The following TRIM25 variants were observed in gnomAD, a reference collection of about 807,000 sequenced individuals.
TRIM25 encodes E3 ubiquitin/ISG15 ligase TRIM25.
Under a neutral mutation model 65.2 loss-of-function variants are expected in TRIM25, and 45 were observed. The ratio of observed to expected loss-of-function variants is 0.69; its 90% CI spans 0.54 to 0.89. The LOEUF (loss-of-function observed/expected upper bound fraction) is 0.89, where lower values mean the gene tolerates loss of function less well. Ranked by LOEUF, TRIM25 falls within the 40% of genes least tolerant of loss-of-function variation. The pLI, the probability that TRIM25 is intolerant of heterozygous loss-of-function variation, is 0.00. For missense variants in TRIM25, 714 were observed against 803.7 expected (o/e 0.89, Z 1.35); for synonymous variants, 321 against 340.4 (o/e 0.94, Z 0.63).
At position 56,904,448 on chromosome 17, in the gene TRIM25, T is replaced by G; in HGVS notation, c.734A>C (p.Tyr245Ser). The G allele has an allele frequency of 6.2e-7, 1 of 1,614,186 alleles. No homozygotes were observed. Among genetic ancestry groups the G allele is most frequent in the South Asian group, 1.1e-5 (1 of 91,086 alleles). ...GTCCAAGAGAGCCTTCATTTCCGTGTATTCTTGTTGTAGCTGCTCCACCTT... is the reference window on the plus strand; with the variant it reads ...GTCCAAGAGAGCCTTCATTTCCGTGGATTCTTGTTGTAGCTGCTCCACCTT... The part of the protein sequence containing the change: ...NRKVEQLQQE[Y>S]TEMKALLDAS... Residue 245 changes from tyrosine to serine, a missense_variant, in exon 3 of 9, where the codon TAC becomes TCC. Around this residue, in one of 3 missense-constraint regions of TRIM25, gnomAD observed 413 missense variants for 498.2 expected, o/e 0.83. Transcript: ENST00000316881.
chr17:56,912,682 C>T (rs1909653458), intron 1 of TRIM25: 1 of 152,220 alleles, frequency 6.6e-6, no homozygotes, highest in Non-Finnish European at 1.5e-5. Context: ...TGGCTATTTA[C>T]TGCATTAGGT....
chr17:56,904,739 G>C (rs756809754), intron 2 of TRIM25, among the ~76,000 whole-genome samples: 1 of 152,222 alleles, frequency 6.6e-6, no homozygotes, highest in Admixed American at 6.5e-5. Context: ...ACATGCATAA[G>C]AATGTTCACA....
chr17:56,899,304 C>T, intron 4 of TRIM25, 124 bp from the exon 5 acceptor site: 2 of 868,920 alleles, frequency 2.3e-6, no homozygotes, highest in South Asian at 1.6e-5. Context: ...CGACCTTCCC[C>T]ATCCCATCGC....
At position 56,913,908 on chromosome 17, in the gene TRIM25, C is replaced by A; in HGVS notation, c.81G>T (p.Pro27=). The change falls in exon 1 of 9, where the codon CCG becomes CCT. Residue 27 remains proline (P), a synonymous_variant. Transcript: ENST00000316881. The surrounding 1 kb of genome is among the most constrained non-coding windows in gnomAD (Gnocchi z 6.1). The part of the protein sequence containing the change: ...LEPFKEPVTT[P]CGHNFCGSCL... ...ACGACCCGCAGAAGTTGTGGCCGCA[C>A]GGAGTGGTGACCGGCTCCTTGAAGG... 2 of 1,572,526 alleles carry A rather than the reference C, an allele frequency of 1.3e-6. No homozygotes were observed. The highest frequency in any genetic ancestry group is 1.7e-6 in the Non-Finnish European group (2 of 1,159,454).
rs1288409360 is a variant in TRIM25, at chr17:56,888,182, G to C, written c.*3518C>G. On this transcript the variant is annotated 3_prime_UTR_variant, in exon 9 of 9. Transcript: ENST00000316881. ...TCAGCCTCCAGTCCCCCGCCCCATAGGTCAGGCTGACTCAAAGCCTCAAAC... is the reference window on the plus strand; with the variant it reads ...TCAGCCTCCAGTCCCCCGCCCCATACGTCAGGCTGACTCAAAGCCTCAAAC... 1 of 152,250 alleles carries C rather than the reference G, an allele frequency of 6.6e-6. No individual in the cohort carries two copies. Among genetic ancestry groups the C allele is most frequent in the African/African-American group, 2.4e-5 (1 of 41,440 alleles). 9.4% of individuals were successfully genotyped at this position (152,250 alleles called of 1,614,324 possible). A position where few individuals can be genotyped will look rare whatever the true frequency, so the allele number is the denominator to read the frequency against.
At chr17:56,892,978 T>G (rs1298147970) in intron 8 of TRIM25, among the ~76,000 whole-genome samples, 5 of 152,014 alleles carry the variant, frequency 3.3e-5, no homozygotes, top group Admixed American at 1.3e-4. Context: ...CAGGCTGGAA[T>G]TGGAGCCAAG....
rs1301077949 is a variant in TRIM25, at chr17:56,900,798, C to T, written c.1087+621G>A. Among the ~76,000 whole-genome samples, 5 of 152,288 alleles carry T rather than the reference C, an allele frequency of 3.3e-5. No individual in the cohort carries two copies. The East Asian group carries it at 7.7e-4, about 23-fold the overall frequency. On this transcript the variant is annotated intron_variant, in intron 4 of 8. Coordinates refer to ENST00000316881, the MANE Select transcript of TRIM25 (RefSeq NM_005082.5). ...TCTAGACCAGGGTCAAGGGTTTGGT[C>T]TGCATCAGGGAGTAATAGGAAGCCT... is the stretch of plus-strand genomic sequence containing the variant.
intron 1 of TRIM25, among the ~76,000 whole-genome samples, chr17:56,912,602 G>C (rs1909651613): frequency 6.6e-6 from 1 of 152,170 alleles, no homozygotes; most frequent in Admixed American, 6.5e-5. Context: ...TACGGACCTG[G>C]ATACGAGGCT....
At chr17:56,911,753 G>A (rs1237601732) in intron 1 of TRIM25, among the ~76,000 whole-genome samples, 1 of 152,034 alleles carries the variant, frequency 6.6e-6, no homozygotes, top group Non-Finnish European at 1.5e-5. Flanking sequence ...TTAGCCAGGT[G>A]TGGTGGCTCA....
rs1258959238 is a variant in TRIM25, at chr17:56,889,505, T to C, written c.*2195A>G. The C allele has an allele frequency of 1.1e-5, 4 of 364,336 alleles. No individual in the cohort carries two copies. Among genetic ancestry groups the C allele is most frequent in the Non-Finnish European group, 2.0e-5 (4 of 204,616 alleles). 22.6% of individuals were successfully genotyped at this position (364,336 alleles called of 1,614,324 possible). ...GGCTAGGTTATGTAAGGTCTCACCA[T>C]TGCAAACAGAATGGTTCAAGACAGC... On this transcript the variant is annotated 3_prime_UTR_variant, in exon 9 of 9. Transcript: ENST00000316881.
chr17:56,904,682 G>C (rs1322561908), intron 2 of TRIM25, among the ~76,000 whole-genome samples, 194 bp from the exon 3 acceptor site: 1 of 152,168 alleles, frequency 6.6e-6, no homozygotes, highest in Non-Finnish European at 1.5e-5. Context: ...GGCAACTCCA[G>C]TCCTAGGAAT....
At chr17:56,906,739 T>C (rs1182788466) in intron 2 of TRIM25, among the ~76,000 whole-genome samples, 2 of 152,180 alleles carry the variant, frequency 1.3e-5, no homozygotes, top group African/African-American at 2.4e-5. Flanking sequence ...AGGTGATCCA[T>C]GCGTCTCGGC....
chr17:56,904,374 C>G lies in TRIM25; in HGVS notation c.808G>C (p.Val270Leu). 1.2e-6 allele frequency: 2 copies of G among 1,614,136 alleles called. No homozygotes were observed. The highest frequency in any genetic ancestry group is 1.7e-6 in the Non-Finnish European group (2 of 1,180,020). ...TRKIKEEEKR[V>L]NSKFDTIYQI... ...TAAATGGTGTCAAACTTGCTGTTGACCCTCTTCTCCTCTTCCTTTATCTTC... is the reference window on the plus strand; with the variant it reads ...TAAATGGTGTCAAACTTGCTGTTGAGCCTCTTCTCCTCTTCCTTTATCTTC... Residue 270 changes from valine to leucine, a missense_variant, in exon 3 of 9, where the codon GTC becomes CTC. Transcript: ENST00000316881.
At chr17:56,895,877 T>C (rs1909282658) in intron 6 of TRIM25, 49 bp downstream of exon 6, 1 of 1,606,766 alleles carries the variant, frequency 6.2e-7, no homozygotes, top group East Asian at 2.2e-5. Context: ...TTTAGTTCTG[T>C]GCTCGGGCAG....
At chr17:56,912,353 G>C (rs888743774) in intron 1 of TRIM25, among the ~76,000 whole-genome samples, 3 of 152,202 alleles carry the variant, frequency 2.0e-5, no homozygotes, top group African/African-American at 7.2e-5. Context: ...ATACTGGTGA[G>C]GACCCAGGTC....
Position 56,914,025 on chromosome 17 carries a change from G to C in TRIM25, c.-37C>G. On this transcript the variant is annotated 5_prime_UTR_variant, in exon 1 of 9. Coordinates refer to ENST00000316881, the MANE Select transcript of TRIM25 (RefSeq NM_005082.5). ...GGGTCGGGACACAACTGCTGCACCC[G>C]CGCTCCGAGGCCGCCGAGGAAACGA... 1.4e-6 allele frequency: 2 copies of C among 1,425,930 alleles called. No individual in the cohort carries two copies. Among genetic ancestry groups the C allele is most frequent in the South Asian group, 1.5e-5 (1 of 66,474 alleles). The allele number at this position is 1,425,930 out of a possible 1,614,324, so 88.3% of individuals were successfully genotyped here. A position where few individuals can be genotyped will look rare whatever the true frequency, so the allele number is the denominator to read the frequency against.
intron 1 of TRIM25, among the ~76,000 whole-genome samples, chr17:56,909,994 A>G (rs145078373): frequency 3.3e-5 from 5 of 152,278 alleles, no homozygotes; most frequent in Non-Finnish European, 5.9e-5. Flanking sequence ...AAAGCTAAGA[A>G]CAACACTATG....
At chr17:56,910,736 C>T (rs1162283472) in intron 1 of TRIM25, among the ~76,000 whole-genome samples, 2 of 152,198 alleles carry the variant, frequency 1.3e-5, no homozygotes, top group Admixed American at 6.5e-5. Flanking sequence ...AGGATCCCTT[C>T]ACAGACTAGA....
Position 56,913,429 on chromosome 17 carries a change from G to A in TRIM25, c.560C>T (p.Ser187Phe). ...GCTGGCCTGGCTCAGGGACGCGGGA[G>A]AGCAGGTCTTATGCTCCACCAGGCA... ...HICLVEHKTC[S>F]PASLSQASAD... Residue 187 changes from serine to phenylalanine, a missense_variant, in exon 1 of 9, where the codon TCT (serine) becomes TTT (phenylalanine). Ser to Phe is a radical substitution (Grantham distance 155). This residue lies in a region of TRIM25 where 291 missense variants were observed against 281.8 expected (regional missense o/e 1.03). Coordinates refer to ENST00000316881, the MANE Select transcript of TRIM25 (RefSeq NM_005082.5). The surrounding 1 kb of genome is among the most constrained non-coding windows in gnomAD (Gnocchi z 6.1). 3.1e-6 allele frequency: 5 copies of A among 1,594,624 alleles called. No homozygotes were observed. Among genetic ancestry groups the A allele is most frequent in the Non-Finnish European group, 4.3e-6 (5 of 1,167,510 alleles).
Sources: gnomAD v4.1 joint callset for allele counts (sites outside exome capture counted in the v4.1 genomes callset) on GRCh38, gnomAD v4.1.1 for gene constraint, gnomAD v4.1.1 regional missense constraint, Gnocchi (gnomAD v3.1) non-coding constraint, MANE v1.5 for transcripts, NCBI Gene and HGNC (gene_info 2026-07-23, HGNC 2026-07-21) for gene names.